The following INPP1 variants were observed in gnomAD, a reference collection of about 807,000 sequenced individuals.
INPP1 encodes inositol polyphosphate 1-phosphatase.
A neutral mutation model predicts 23.0 loss-of-function variants in INPP1; 18 were observed. The ratio of observed to expected loss-of-function variants is 0.78; its 90% CI spans 0.54 to 1.16. The LOEUF (loss-of-function observed/expected upper bound fraction) is 1.16. Among genes scored for constraint, INPP1 ranks in the 50% most tolerant of loss-of-function variants. The pLI is 0.00. For synonymous variants in INPP1, 164 were observed against 176.3 expected (o/e 0.93, Z 0.55); for missense variants, 448 against 482.1 (o/e 0.93, Z 0.66).
intron 2 of INPP1, among the ~76,000 whole-genome samples, chr2:190,359,431 C>A (rs1689488334): frequency 6.6e-6 from 1 of 151,864 alleles, no homozygotes; most frequent in South Asian, 2.1e-4. Context: ...GTGGTGGGCG[C>A]CTGTAGTCCC....
At position 190,371,223 on chromosome 2, in the gene INPP1, A is replaced by C. The variant is rs981106676; in HGVS notation, c.1021A>C (p.Asn341His). ...AGACTTGAAAGAATGCTTAGAAAGA[A>C]ATCCAGAAACAGGGCTTGATTTGCC... ...IVDLKECLER[N>H]PETGLDLPQL... Residue 341 changes from asparagine to histidine, a missense_variant, in exon 7 of 7, where the codon AAT becomes CAT. Coordinates refer to ENST00000392329, the MANE Select transcript of INPP1 (RefSeq NM_001128928.2). This position sits in a 1 kb window ranked among gnomAD's most constrained non-coding sequence, Gnocchi z 5.3. 5 of 1,613,414 alleles carry C rather than the reference A, an allele frequency of 3.1e-6. No individual in the cohort carries two copies. The highest frequency in any genetic ancestry group is 4.2e-6 in the Non-Finnish European group (5 of 1,179,440).
In INPP1 at chr2:190,369,185, C is replaced by T. The variant is rs757560460; in HGVS notation, c.549C>T (p.Thr183=). 6.2e-7 allele frequency: 1 copy of T among 1,609,010 alleles called. No homozygotes were observed. Among genetic ancestry groups the T allele is most frequent in the South Asian group, 1.1e-5 (1 of 90,630 alleles). ...TCCCCTGTGGACTTCAGTGTGTCAC[C>T]ATTTTAATTGGTGTCTATGACATAC... The part of the protein sequence containing the change: ...GIFPCGLQCV[T]ILIGVYDIQT... The change falls in exon 6 of 7, where the codon ACC becomes ACT. Residue 183 remains threonine (T), a synonymous_variant. Transcript: ENST00000392329.
In INPP1 at chr2:190,351,918, G is replaced by A. The variant is rs533469964; in HGVS notation, c.-65+2887G>A. ...GATTATACCAATTTCATTCATGCCC[G>A]CAGTTCATAAGAGTTTCTGTTGCTC... On this transcript the variant is annotated intron_variant, in intron 2 of 6. Transcript: ENST00000392329. Among the ~76,000 whole-genome samples the A allele has an allele frequency of 6.6e-5, 10 of 152,272 alleles. 1 individual carries two copies. The highest frequency in any genetic ancestry group is 5.8e-4 in the East Asian group (3 of 5,190).
In INPP1 at chr2:190,368,251, G is replaced by C. The variant is rs1689723972; in HGVS notation, c.467-852G>C. On this transcript the variant is annotated intron_variant, in intron 5 of 6. Transcript: ENST00000392329. The surrounding 1 kb of genome is among the most constrained non-coding windows in gnomAD (Gnocchi z 4.3). ...TTTTGCCAGGCACATCCTTAGCCGT[G>C]TGTTGACTCCCTAGACGTCAGCAGT... 6.6e-6 allele frequency among the ~76,000 whole-genome samples: 1 copy of C among 152,152 alleles called. No homozygotes were observed. The highest frequency in any genetic ancestry group is 1.5e-5 in the Non-Finnish European group (1 of 68,028).
At position 190,355,939 on chromosome 2, in the gene INPP1, ATAAAT is replaced by A. The variant is rs1203356960; in HGVS notation, c.-64-4096_-64-4092del. Among the ~76,000 whole-genome samples the A allele has an allele frequency of 6.6e-6, 1 of 151,940 alleles. No homozygotes were observed. Among genetic ancestry groups the A allele is most frequent in the Non-Finnish European group, 1.5e-5 (1 of 68,028 alleles). ...CTTAGAATAAAAGTTGAAAAAATAA[ATAAAT>A]TAATTAAAAAATCATCTGAAAGATA... On this transcript the variant is annotated intron_variant, in intron 2 of 6. Coordinates refer to ENST00000392329, the MANE Select transcript of INPP1 (RefSeq NM_001128928.2). This position sits in a 1 kb window ranked among gnomAD's most constrained non-coding sequence, Gnocchi z 5.1.
rs912247372 is a variant in INPP1 at position 190,354,094 on chromosome 2, T to C, written c.-65+5063T>C. 1.3e-5 allele frequency among the ~76,000 whole-genome samples: 2 copies of C among 152,216 alleles called. No homozygotes were observed. The highest frequency in any genetic ancestry group is 2.9e-5 in the Non-Finnish European group (2 of 68,042). On this transcript the variant is annotated intron_variant, in intron 2 of 6. Coordinates refer to ENST00000392329, the MANE Select transcript of INPP1 (RefSeq NM_001128928.2). This position sits in a 1 kb window ranked among gnomAD's most constrained non-coding sequence, Gnocchi z 4.8. The stretch of plus-strand genomic sequence containing the variant: ...TGAAACTTCTTTAAGCCCATTTTGC[T>C]GAAATGTGACTTGAAATAGATTGTT...
chr2:190,366,055 C>T (rs1689650073), intron 4 of INPP1, among the ~76,000 whole-genome samples: 2 of 80,924 alleles, frequency 2.5e-5, no homozygotes, highest in East Asian at 5.3e-4. Flanking sequence ...CTTTTGCTCT[C>T]TCTGTCTCTC....
At chr2:190,361,380 G>A (rs1016372091) in intron 3 of INPP1, among the ~76,000 whole-genome samples, 4 of 151,796 alleles carry the variant, frequency 2.6e-5, no homozygotes, top group Non-Finnish European at 5.9e-5. Context: ...ATTTAGAATC[G>A]TTTCAGTGAA....
At chr2:190,366,463 CTCTG>C (rs1689675739) in intron 4 of INPP1, among the ~76,000 whole-genome samples, 1 of 151,638 alleles carries the variant, frequency 6.6e-6, no homozygotes, top group African/African-American at 2.4e-5. Context: ...GTCTTGCTCT[CTCTG>C]TCTCTCGCTC....
intron 3 of INPP1, among the ~76,000 whole-genome samples, chr2:190,361,445 A>G (rs990807554): frequency 2.6e-5 from 4 of 152,216 alleles, no homozygotes; most frequent in African/African-American, 9.6e-5. Context: ...TACAAACTAT[A>G]CTTTTTCATG....
intron 3 of INPP1, among the ~76,000 whole-genome samples, chr2:190,360,890 T>G (rs1254894944): frequency 1.3e-5 from 2 of 152,212 alleles, no homozygotes; most frequent in African/African-American, 4.8e-5. Context: ...GTCTCCTTTA[T>G]TCTAGTAGAA....
rs1295571648 is a variant in INPP1 at position 190,363,686 on chromosome 2, T to C, written c.265+999T>C. 6.6e-6 allele frequency among the ~76,000 whole-genome samples: 1 copy of C among 152,188 alleles called. No individual in the cohort carries two copies. The highest frequency in any genetic ancestry group is 2.4e-5 in the African/African-American group (1 of 41,430). ...TATTAAGATGCAGTTAGTTCTATGT[T>C]AGTAATACGGGAAAGAAATCTTTTA... On this transcript the variant is annotated intron_variant, in intron 4 of 6. Coordinates refer to ENST00000392329, the MANE Select transcript of INPP1 (RefSeq NM_001128928.2). This position sits in a 1 kb window ranked among gnomAD's most constrained non-coding sequence, Gnocchi z 4.4.
rs1469851196 is a variant in INPP1, at chr2:190,355,415, T to C, written c.-64-4624T>C. Among the ~76,000 whole-genome samples the C allele has an allele frequency of 3.3e-5, 5 of 152,204 alleles. No homozygotes were observed. The highest frequency in any genetic ancestry group is 3.3e-4 in the Admixed American group (5 of 15,280). On this transcript the variant is annotated intron_variant, in intron 2 of 6. Transcript: ENST00000392329. This position sits in a 1 kb window ranked among gnomAD's most constrained non-coding sequence, Gnocchi z 5.1. Reference sequence around the variant, plus strand: ...AGCAGGTGCCAGCTGCCACTAAAATTGCCAGCATAGAGGTAAAGAAAAATA... The same window carrying C: ...AGCAGGTGCCAGCTGCCACTAAAATCGCCAGCATAGAGGTAAAGAAAAATA...
rs6730620 is a variant in INPP1 at position 190,367,261 on chromosome 2, A to G, written c.466+366A>G. ...CAGTTATGACCAATTGAGCACACAT[A>G]CCATTTAAAGAGCACTTAGCTTTAG... On this transcript the variant is annotated intron_variant, in intron 5 of 6. Coordinates refer to ENST00000392329, the MANE Select transcript of INPP1 (RefSeq NM_001128928.2). The surrounding 1 kb of genome is among the most constrained non-coding windows in gnomAD (Gnocchi z 4.1). Among the ~76,000 whole-genome samples, 97,499 of 152,022 alleles carry G rather than the reference A, an allele frequency of 0.64. 32,004 individuals are homozygous for G. The highest frequency in any genetic ancestry group is 0.76 in the East Asian group (3,921 of 5,156).
chr2:190,367,555 A>G lies in INPP1; in HGVS notation c.466+660A>G, dbSNP rs1689704713. Among the ~76,000 whole-genome samples, 1 of 152,102 alleles carries G rather than the reference A, an allele frequency of 6.6e-6. No homozygotes were observed. Among genetic ancestry groups the G allele is most frequent in the Admixed American group, 6.5e-5 (1 of 15,272 alleles). On this transcript the variant is annotated intron_variant, in intron 5 of 6. Coordinates refer to ENST00000392329, the MANE Select transcript of INPP1 (RefSeq NM_001128928.2). The surrounding 1 kb of genome is among the most constrained non-coding windows in gnomAD (Gnocchi z 4.1). ...TATAATCCATTGTTTTGAAAATGTA[A>G]CCCTTTTTTTTGAGACAGAGTCTCG...
Position 190,366,879 on chromosome 2 carries a change from T to C in INPP1, c.450T>C (p.Ile150=). Residue 150 remains isoleucine (I), a synonymous_variant, in exon 5 of 7, where the codon ATT becomes ATC. Coordinates refer to ENST00000392329, the MANE Select transcript of INPP1 (RefSeq NM_001128928.2). ...EINVPQDILG[I]WVDPIDSTYQ... ...ATGTTCCACAGGACATTTTGGGAATTTGGGTGGACCCCATAGGTAAGTATA... is the reference window on the plus strand; with the variant it reads ...ATGTTCCACAGGACATTTTGGGAATCTGGGTGGACCCCATAGGTAAGTATA... The C allele has an allele frequency of 6.2e-7, 1 of 1,612,270 alleles. No individual in the cohort carries two copies. The highest frequency in any genetic ancestry group is 8.5e-7 in the Non-Finnish European group (1 of 1,178,240).
intron 2 of INPP1, among the ~76,000 whole-genome samples, chr2:190,359,143 T>TA (rs1689482006): frequency 1.3e-5 from 2 of 152,008 alleles, no homozygotes; most frequent in Middle Eastern, 6.8e-3. Context: ...CCACAAAAAA[T>TA]ACAAAAATTA....
rs1312257785 is a variant in INPP1 at position 190,353,902 on chromosome 2, G to T, written c.-65+4871G>T. Among the ~76,000 whole-genome samples, 4 of 152,144 alleles carry T rather than the reference G, an allele frequency of 2.6e-5. No homozygotes were observed. In the East Asian group the frequency reaches 7.7e-4, roughly 29 times the overall value. On this transcript the variant is annotated intron_variant, in intron 2 of 6. Coordinates refer to ENST00000392329, the MANE Select transcript of INPP1 (RefSeq NM_001128928.2). ...GGAGAGGTTTGGGTTTCCAAGAAAA[G>T]TCTTAAGAACCTTTTTTCCTTCTGA...
At position 190,370,945 on chromosome 2, in the gene INPP1, G is replaced by A. The variant is rs779840574; in HGVS notation, c.743G>A (p.Gly248Glu). 6.2e-6 allele frequency: 10 copies of A among 1,614,116 alleles called. No homozygotes were observed. The highest frequency in any genetic ancestry group is 6.8e-6 in the Non-Finnish European group (8 of 1,180,034). ...AGAAACGGCAGTGAAACACACACTGGAAACACCGGCTCTGAGGCAGCATTC... is the reference window on the plus strand; with the variant it reads ...AGAAACGGCAGTGAAACACACACTGAAAACACCGGCTCTGAGGCAGCATTC... ...SRRNGSETHT[G>E]NTGSEAAFSP... The change falls in exon 7 of 7, where the codon GGA becomes GAA. Residue 248 changes from glycine (G) to glutamate (E), a missense_variant. Coordinates refer to ENST00000392329, the MANE Select transcript of INPP1 (RefSeq NM_001128928.2).
Sources: allele counts gnomAD v4.1 joint callset (sites outside exome capture counted in the v4.1 genomes callset), GRCh38; gene constraint gnomAD v4.1.1; non-coding constraint Gnocchi (gnomAD v3.1); transcripts MANE v1.5; gene names NCBI Gene and HGNC (gene_info 2026-07-23, HGNC 2026-07-21).